Variants in ATP13A3 observed in about 807,000 individuals in gnomAD.
ATP13A3 encodes ATPase 13A3, also known as polyamine-transporting ATPase 13A3.
ATP13A3 carries 59 observed loss-of-function variants against 158.1 expected under a neutral mutation model. That is an observed-to-expected ratio of 0.37 (90% CI 0.30 to 0.46). ATP13A3 has a LOEUF of 0.46. ATP13A3 is among the 20% of genes least tolerant of loss of function. The pLI is 1.00. For missense variants in ATP13A3, 1,166 were observed against 1,525.2 expected, an observed-to-expected ratio of 0.76 and a Z score of 3.92; for synonymous variants, 491 against 504.3, an observed-to-expected ratio of 0.97 and a Z score of 0.35.
chr3:194,432,573 A>AAAAT (rs1341388373), intron 21 of ATP13A3, among the ~76,000 whole-genome samples: 3 of 152,170 alleles, frequency 2.0e-5, no homozygotes, highest in East Asian at 1.9e-4. Flanking sequence ...TGGCAAGGGG[A>AAAAT]AAATAAATAA....
rs193219355 is a variant in ATP13A3 at position 194,466,143 on chromosome 3, C to G, written c.-46-3907G>C. ...AATTTATAGCACTAAATTCCAGTATCTGAGAGAAGAAAGGTCATGACCTCA... is the reference window on the plus strand; with the variant it reads ...AATTTATAGCACTAAATTCCAGTATGTGAGAGAAGAAAGGTCATGACCTCA... On this transcript the variant is annotated intron_variant, in intron 2 of 33. Coordinates refer to ENST00000645319, the MANE Select transcript of ATP13A3 (RefSeq NM_001367549.1). Among the ~76,000 whole-genome samples the G allele has an allele frequency of 4.2e-3, 646 of 152,130 alleles. 2 individuals carry two copies. The highest frequency in any genetic ancestry group is 0.015 in the African/African-American group (619 of 41,498).
intron 4 of ATP13A3, 58 bp downstream of exon 4, chr3:194,460,600 C>T: frequency 1.9e-6 from 3 of 1,542,074 alleles, no homozygotes; most frequent in Middle Eastern, 1.7e-4. Flanking sequence ...ATAAAGTATA[C>T]ACAAAGACAT....
At chr3:194,437,499 T>C in intron 18 of ATP13A3, 35 bp from the exon 19 acceptor site, 2 of 1,613,654 alleles carry the variant, frequency 1.2e-6, no homozygotes, top group Admixed American at 1.7e-5. Context: ...AAGCACTTAA[T>C]ATTCTTAAAG....
At chr3:194,413,684 C>CTT (rs1321316039) in intron 32 of ATP13A3, 75 bp downstream of exon 32, 14 of 1,290,678 alleles carry the variant, frequency 1.1e-5, no homozygotes, top group Non-Finnish European at 1.5e-5. Context: ...TACCTGCCCT[C>CTT]TTCTCCCATT....
chr3:194,492,756 A>T (rs772909110), intron 2 of ATP13A3, among the ~76,000 whole-genome samples: 1 of 152,202 alleles, frequency 6.6e-6, no homozygotes, highest in Non-Finnish European at 1.5e-5. Flanking sequence ...ACAACCCGTG[A>T]TCTATACTTT....
intron 33 of ATP13A3, among the ~76,000 whole-genome samples, chr3:194,407,550 C>T (rs1264709576): frequency 6.6e-6 from 1 of 152,180 alleles, no homozygotes; most frequent in Non-Finnish European, 1.5e-5. Context: ...TCCCTGGCCC[C>T]GCTGAGAGCA....
intron 2 of ATP13A3, among the ~76,000 whole-genome samples, chr3:194,477,995 G>A (rs767219663): frequency 1.3e-5 from 2 of 152,196 alleles, no homozygotes; most frequent in Non-Finnish European, 2.9e-5. Flanking sequence ...ACTTAAAACA[G>A]TGTCTTCACT....
Position 194,477,316 on chromosome 3 carries a change from C to G in ATP13A3, c.-47+8478G>C, listed in dbSNP as rs542372797. The stretch of plus-strand genomic sequence containing the variant: ...ACTTATAGACTAAAAACCTTAAAGG[C>G]TGGGAACCAGGCAAGCATCCAGCAG... On this transcript the variant is annotated intron_variant, in intron 2 of 33. Transcript: ENST00000645319. 1.1e-4 allele frequency among the ~76,000 whole-genome samples: 16 copies of G among 152,296 alleles called. No individual in the cohort carries two copies. In the East Asian group the frequency reaches 2.9e-3, roughly 28 times the overall value.
At chr3:194,429,855 A>C in intron 26 of ATP13A3, 81 bp from the exon 27 acceptor site, 2 of 1,262,646 alleles carry the variant, frequency 1.6e-6, no homozygotes, top group Non-Finnish European at 2.3e-6. Flanking sequence ...ATCTTGACAG[A>C]TGAACATCAA....
rs1717410772 is a variant in ATP13A3 at position 194,433,647 on chromosome 3, G to C, written c.2245+125C>G. 5 of 1,219,308 alleles carry C rather than the reference G, an allele frequency of 4.1e-6. No individual in the cohort carries two copies. The South Asian group carries it at 9.5e-5, about 23-fold the overall frequency. 75.5% of individuals were successfully genotyped at this position (1,219,308 alleles called of 1,614,324 possible). Reference sequence around the variant, plus strand: ...CTTGGGAAAATATTCAGAGCTAAAAGAGAACTTAGGTTGAAACCACTATAG... The same window carrying C: ...CTTGGGAAAATATTCAGAGCTAAAACAGAACTTAGGTTGAAACCACTATAG... On this transcript the variant is annotated intron_variant, in intron 21 of 33. Coordinates refer to ENST00000645319, the MANE Select transcript of ATP13A3 (RefSeq NM_001367549.1).
chr3:194,438,680 T>C (rs1326955069), intron 17 of ATP13A3, among the ~76,000 whole-genome samples, 176 bp downstream of exon 17: 2 of 152,192 alleles, frequency 1.3e-5, no homozygotes, highest in East Asian at 3.8e-4. Flanking sequence ...CTCACACCTG[T>C]AATCCCAGCA....
At chr3:194,437,498 A>AC in intron 18 of ATP13A3, 34 bp from the exon 19 acceptor site, 1 of 1,613,672 alleles carries the variant, frequency 6.2e-7, no homozygotes, top group Non-Finnish European at 8.5e-7. Context: ...AAAGCACTTA[A>AC]TATTCTTAAA....
intron 31 of ATP13A3, among the ~76,000 whole-genome samples, chr3:194,415,668 T>TTTTTTTTG (rs1715791987): frequency 1.6e-5 from 2 of 126,262 alleles, no homozygotes; most frequent in African/African-American, 6.5e-5. Flanking sequence ...ATTCTTTTTT[T>TTTTTTTTG]TTTTTTTTTT....
intron 2 of ATP13A3, among the ~76,000 whole-genome samples, chr3:194,468,767 T>C (rs778965792): frequency 2.0e-5 from 3 of 152,352 alleles, no homozygotes; most frequent in Non-Finnish European, 2.9e-5. Flanking sequence ...AATAACGACC[T>C]GTAATCAAGT....
intron 2 of ATP13A3, among the ~76,000 whole-genome samples, 194 bp downstream of exon 2, chr3:194,485,600 C>T (rs1433495834): frequency 6.6e-6 from 1 of 152,174 alleles, no homozygotes; most frequent in African/African-American, 2.4e-5. Context: ...TTCTAACTTC[C>T]TGCCTCATAG....
chr3:194,471,787 G>T (rs552268462), intron 2 of ATP13A3: 2 of 139,764 alleles, frequency 1.4e-5, no homozygotes, highest in South Asian at 4.2e-4. Context: ...AACAGCACAA[G>T]AGTCACTTTA....
intron 30 of ATP13A3, among the ~76,000 whole-genome samples, chr3:194,423,640 T>G (rs1716547889): frequency 6.6e-6 from 1 of 152,268 alleles, no homozygotes; most frequent in South Asian, 2.1e-4. Context: ...CAATCGAGTT[T>G]TATGGTTATA....
Position 194,462,350 on chromosome 3 carries a change from G to A in ATP13A3, c.-46-114C>T, listed in dbSNP as rs1020371327. 6.1e-6 allele frequency: 4 copies of A among 652,156 alleles called. No homozygotes were observed. In the African/African-American group the frequency reaches 7.3e-5, roughly 12 times the overall value. 40.4% of individuals were successfully genotyped at this position (652,156 alleles called of 1,614,324 possible). A position where few individuals can be genotyped will look rare whatever the true frequency, so the allele number is the denominator to read the frequency against. On this transcript the variant is annotated intron_variant, in intron 2 of 33. Coordinates refer to ENST00000645319, the MANE Select transcript of ATP13A3 (RefSeq NM_001367549.1). ...AGGGGTCCCCAACCCCTGGGTCACG[G>A]ACCTGTTAGGAACAGGGCCACACAG...
chr3:194,442,232 C>A (rs1397796032), intron 15 of ATP13A3, among the ~76,000 whole-genome samples: 1 of 152,152 alleles, frequency 6.6e-6, no homozygotes, highest in Non-Finnish European at 1.5e-5. Flanking sequence ...AAGAATGAGT[C>A]CATAATTTAA....
Sources: gnomAD v4.1 joint callset for allele counts (sites outside exome capture counted in the v4.1 genomes callset) on GRCh38, gnomAD v4.1.1 for gene constraint, MANE v1.5 for transcripts, NCBI Gene and HGNC (gene_info 2026-07-23, HGNC 2026-07-21) for gene names.